OPCML: variants seen among roughly 807,000 people sequenced by gnomAD.
OPCML encodes opioid-binding protein/cell adhesion molecule.
In OPCML, 13 loss-of-function variants were observed where a neutral mutation model predicts 37.8. That is an observed-to-expected ratio of 0.34 (90% CI 0.22 to 0.55). The LOEUF is 0.55. OPCML is among the 20% of genes least tolerant of loss of function. The probability of loss-of-function intolerance (pLI) is 0.91; values close to 1 mark genes in which losing one functional copy is unlikely to be tolerated. For synonymous variants in OPCML, 176 were observed against 168.8 expected (o/e 1.04, Z -0.33); for missense variants, 341 against 435.6 (o/e 0.78, Z 1.93).
intron 4 of OPCML, among the ~76,000 whole-genome samples, chr11:132,446,314 G>T (rs971546944): frequency 1.1e-4 from 16 of 148,596 alleles, no homozygotes; most frequent in African/African-American, 4.0e-4. Flanking sequence ...GAAGAGAGGA[G>T]CTAGACAGAG....
At chr11:133,507,483 T>C (rs188695193) in intron 1 of OPCML, among the ~76,000 whole-genome samples, 20 of 152,298 alleles carry the variant, frequency 1.3e-4, no homozygotes, top group Admixed American at 2.6e-4. Flanking sequence ...CAGCCAGTGA[T>C]GCTTGCAAGA....
chr11:133,364,184 T>C (rs1944486995), intron 1 of OPCML, among the ~76,000 whole-genome samples: 6 of 152,320 alleles, frequency 3.9e-5, no homozygotes, highest in Admixed American at 2.0e-4. Flanking sequence ...AGTACGACTA[T>C]CAAATTTTAG....
At position 132,899,307 on chromosome 11, in the gene OPCML, ATGT is replaced by A. The variant is rs1267147101; in HGVS notation, c.146+43616_146+43618del. 3.9e-5 allele frequency among the ~76,000 whole-genome samples: 6 copies of A among 152,332 alleles called. No homozygotes were observed. In the East Asian group the frequency reaches 1.2e-3, roughly 29 times the overall value. On this transcript the variant is annotated intron_variant, in intron 2 of 7. Coordinates refer to ENST00000524381, the MANE Select transcript of OPCML (RefSeq NM_001012393.5). ...ATGTTTTGGTGTACATATTATATAC[ATGT>A]TATAAATATGTTAAGCAAATATCTT... is the stretch of plus-strand genomic sequence containing the variant.
At chr11:132,722,957 G>A (rs1335090279) in intron 2 of OPCML, among the ~76,000 whole-genome samples, 1 of 152,178 alleles carries the variant, frequency 6.6e-6, no homozygotes, top group Non-Finnish European at 1.5e-5. Flanking sequence ...GACAGTGAGA[G>A]ATGGAGGTTG....
intron 4 of OPCML, among the ~76,000 whole-genome samples, chr11:132,475,023 TA>T (rs910278238): frequency 2.0e-5 from 3 of 152,210 alleles, no homozygotes; most frequent in Admixed American, 6.5e-5. Flanking sequence ...TACTGCTAGT[TA>T]TTTCACCAGC....
rs1452186602 is a variant in OPCML at position 133,078,184 on chromosome 11, G to T, written c.62-135174C>A. Among the ~76,000 whole-genome samples, 3 of 152,188 alleles carry T rather than the reference G, an allele frequency of 2.0e-5. No homozygotes were observed. The East Asian group carries it at 5.8e-4, about 29-fold the overall frequency. On this transcript the variant is annotated intron_variant, in intron 1 of 7. Transcript: ENST00000524381. ...CTTGAGGTGCACACCAAGCAGGGGT[G>T]TGGACGCACCGAGCACGCCACGGTG...
At chr11:132,626,119 AT>A (rs1245076330) in intron 3 of OPCML, among the ~76,000 whole-genome samples, 1 of 151,718 alleles carries the variant, frequency 6.6e-6, no homozygotes, top group Non-Finnish European at 1.5e-5. Context: ...AAGGACGTTA[AT>A]AGATAAAGCA....
At chr11:133,264,564 G>T (rs574281941) in intron 1 of OPCML, among the ~76,000 whole-genome samples, 1 of 152,242 alleles carries the variant, frequency 6.6e-6, no homozygotes, top group South Asian at 2.1e-4. Context: ...TGCGGTGAAT[G>T]CACACTTACC....
intron 1 of OPCML, among the ~76,000 whole-genome samples, chr11:133,530,777 G>A (rs1948589536): frequency 6.6e-6 from 1 of 152,294 alleles, no homozygotes; most frequent in African/African-American, 2.4e-5. Flanking sequence ...TTCACAAGGT[G>A]TTACAAAACA....
chr11:132,721,061 C>T (rs1944657574), intron 2 of OPCML, among the ~76,000 whole-genome samples: 1 of 152,164 alleles, frequency 6.6e-6, no homozygotes, highest in African/African-American at 2.4e-5. Context: ...CATTATCTCA[C>T]ATGGATTGAC....
intron 2 of OPCML, among the ~76,000 whole-genome samples, chr11:132,936,610 G>T (rs1403435000): frequency 1.3e-5 from 2 of 152,058 alleles, no homozygotes; most frequent in Non-Finnish European, 2.9e-5. Context: ...AGTGGCGCTA[G>T]GTACAGACAG....
At chr11:132,520,409 T>C (rs1432836640) in intron 4 of OPCML, among the ~76,000 whole-genome samples, 1 of 152,200 alleles carries the variant, frequency 6.6e-6, no homozygotes, top group Non-Finnish European at 1.5e-5. Flanking sequence ...ATTCTTTCTC[T>C]GACCTATTTT....
At chr11:132,766,098 T>TA (rs1307297260) in intron 2 of OPCML, among the ~76,000 whole-genome samples, 1 of 81,042 alleles carries the variant, frequency 1.2e-5, no homozygotes, top group Non-Finnish European at 2.3e-5. Flanking sequence ...TGCTTATAAT[T>TA]TAAAAAAAAA....
At chr11:133,150,865 T>C (rs913608508) in intron 1 of OPCML, among the ~76,000 whole-genome samples, 4 of 152,016 alleles carry the variant, frequency 2.6e-5, no homozygotes, top group Admixed American at 1.3e-4. Context: ...AATGGGTGCA[T>C]GTGCAGACCC....
intron 1 of OPCML, among the ~76,000 whole-genome samples, chr11:133,112,976 G>A (rs1266613644): frequency 6.6e-6 from 1 of 152,126 alleles, no homozygotes; most frequent in Non-Finnish European, 1.5e-5. Flanking sequence ...GGCAGATTCT[G>A]GTATTCACAA....
At chr11:133,384,247 C>CAAAAAAAAAAAAAAA (rs1186998875) in intron 1 of OPCML, among the ~76,000 whole-genome samples, 3 of 71,226 alleles carry the variant, frequency 4.2e-5, no homozygotes, top group African/African-American at 1.4e-4. Context: ...GGCCACTGTG[C>CAAAAAAAAAAAAAAA]AAAAAAAAAA....
chr11:132,490,782 G>A (rs1423291853), intron 4 of OPCML, among the ~76,000 whole-genome samples: 2 of 149,500 alleles, frequency 1.3e-5, no homozygotes, highest in Non-Finnish European at 3.0e-5. Context: ...CTGCACTCCA[G>A]CCTGGGTGAC....
chr11:133,350,445 G>A (rs577005472), intron 1 of OPCML, among the ~76,000 whole-genome samples: 79 of 152,302 alleles, frequency 5.2e-4, no homozygotes, highest in African/African-American at 1.8e-3. Context: ...TCAGTAAGAT[G>A]TGAGAAAGCA....
chr11:132,782,915 G>GTGTA (rs1555188302), intron 2 of OPCML, among the ~76,000 whole-genome samples: 1 of 85,728 alleles, frequency 1.2e-5, no homozygotes, highest in African/African-American at 4.6e-5. Flanking sequence ...TATATAGTGT[G>GTGTA]TGTATATATA....
Sources: allele counts gnomAD v4.1 joint callset (sites outside exome capture counted in the v4.1 genomes callset), GRCh38; gene constraint gnomAD v4.1.1; transcripts MANE v1.5; gene names NCBI Gene and HGNC (gene_info 2026-07-23, HGNC 2026-07-21).